NRXN3: variants seen among roughly 807,000 people sequenced by gnomAD.
The protein encoded by NRXN3 is neurexin 3.
A neutral mutation model predicts 137.6 loss-of-function variants in NRXN3; 32 were observed. The ratio of observed to expected loss-of-function variants is 0.23; its 90% CI spans 0.18 to 0.31. The LOEUF (loss-of-function observed/expected upper bound fraction) is 0.31, where lower values mean the gene tolerates loss of function less well. Ranked by LOEUF, NRXN3 falls within the 10% of genes least tolerant of loss-of-function variation. NRXN3 has a pLI of 1.00. For synonymous variants in NRXN3, 798 were observed against 784.5 expected (o/e 1.02, Z -0.29); for missense variants, 1,574 against 2,062.5 (o/e 0.76, Z 4.59).
At chr14:78,268,281 T>G (rs2072131113) in intron 2 of NRXN3, among the ~76,000 whole-genome samples, 1 of 148,650 alleles carries the variant, frequency 6.7e-6, no homozygotes, top group Non-Finnish European at 1.5e-5. Context: ...TTTTGTTTTG[T>G]TTTGTTTTGT....
At chr14:79,500,594 C>T (rs949434895) in intron 16 of NRXN3, among the ~76,000 whole-genome samples, 1 of 152,186 alleles carries the variant, frequency 6.6e-6, no homozygotes, top group African/African-American at 2.4e-5. Context: ...TCTAACAATA[C>T]TCACCCAGTA....
chr14:78,904,615 T>G (rs1271276383), intron 10 of NRXN3, among the ~76,000 whole-genome samples: 1 of 152,078 alleles, frequency 6.6e-6, no homozygotes, highest in Non-Finnish European at 1.5e-5. Flanking sequence ...GCTTCTTATT[T>G]TCAACTCTCA....
intron 10 of NRXN3, among the ~76,000 whole-genome samples, chr14:78,881,562 G>A (rs182526377): frequency 1.3e-5 from 2 of 151,586 alleles, no homozygotes; most frequent in Non-Finnish European, 2.9e-5. Flanking sequence ...CTAGAGATCT[G>A]TGGAACTTTG....
intron 4 of NRXN3, among the ~76,000 whole-genome samples, chr14:78,418,830 T>C (rs74066520): frequency 6.6e-6 from 1 of 152,232 alleles, no homozygotes. Context: ...TATAACTTTA[T>C]GAGGCAGATA....
At chr14:78,750,635 A>G (rs776271729) in intron 8 of NRXN3, among the ~76,000 whole-genome samples, 4 of 152,236 alleles carry the variant, frequency 2.6e-5, no homozygotes, top group Non-Finnish European at 5.9e-5. Flanking sequence ...CCCCCAAACC[A>G]TACCAATGAA....
chr14:79,053,028 A>G (rs1186910716), intron 15 of NRXN3, among the ~76,000 whole-genome samples: 1 of 152,216 alleles, frequency 6.6e-6, no homozygotes, highest in Non-Finnish European at 1.5e-5. Flanking sequence ...CTCATCAACT[A>G]TTTAATTACA....
intron 15 of NRXN3, among the ~76,000 whole-genome samples, chr14:79,456,766 A>G (rs113316093): frequency 4.6e-5 from 7 of 151,812 alleles, no homozygotes; most frequent in African/African-American, 1.7e-4. Context: ...AGGAGAGGAG[A>G]GGAAGAGAAG....
intron 4 of NRXN3, among the ~76,000 whole-genome samples, chr14:78,387,762 T>G (rs571564444): frequency 6.6e-5 from 10 of 152,320 alleles, no homozygotes; most frequent in Admixed American, 4.6e-4. Context: ...ATATGGGAAG[T>G]GCAGGCGAGT....
chr14:79,161,079 A>G (rs1195209819), intron 15 of NRXN3, among the ~76,000 whole-genome samples: 1 of 151,968 alleles, frequency 6.6e-6, no homozygotes, highest in East Asian at 1.9e-4. Context: ...TGGAATGCTT[A>G]CTAAATGTGT....
chr14:78,417,215 C>G (rs2093188104), intron 4 of NRXN3, among the ~76,000 whole-genome samples: 1 of 152,232 alleles, frequency 6.6e-6, no homozygotes, highest in South Asian at 2.1e-4. Context: ...TCCTGCCCAC[C>G]TGTCCAGCTT....
chr14:78,516,779 C>T (rs1336635839), intron 4 of NRXN3, among the ~76,000 whole-genome samples: 1 of 152,026 alleles, frequency 6.6e-6, no homozygotes, highest in Non-Finnish European at 1.5e-5. Flanking sequence ...ATATTTCCCA[C>T]TGAAACTTGG....
chr14:79,077,336 C>T (rs1287004934), intron 15 of NRXN3, among the ~76,000 whole-genome samples: 4 of 152,106 alleles, frequency 2.6e-5, no homozygotes, highest in South Asian at 2.1e-4. Flanking sequence ...CCACATAGCC[C>T]GAGGCACTGG....
chr14:78,179,124 C>G (rs2059547096), intron 1 of NRXN3, among the ~76,000 whole-genome samples: 1 of 152,088 alleles, frequency 6.6e-6, no homozygotes, highest in Non-Finnish European at 1.5e-5. Context: ...AAGGAGTTAC[C>G]TCCTTCCCCC....
At chr14:79,776,163 TC>T (rs1305328577) in intron 19 of NRXN3, among the ~76,000 whole-genome samples, 1 of 152,198 alleles carries the variant, frequency 6.6e-6, no homozygotes, top group Non-Finnish European at 1.5e-5. Context: ...ATTACTTCTC[TC>T]CACTGTTACT....
intron 10 of NRXN3, among the ~76,000 whole-genome samples, 162 bp downstream of exon 10, chr14:78,810,506 G>A (rs1162218935): frequency 1.3e-5 from 2 of 151,702 alleles, no homozygotes; most frequent in East Asian, 3.9e-4. Context: ...GCTGGGTGAG[G>A]GTGAAGGGCT....
At chr14:79,860,167 A>G (rs2099411356) in intron 20 of NRXN3, among the ~76,000 whole-genome samples, 1 of 152,200 alleles carries the variant, frequency 6.6e-6, no homozygotes, top group Non-Finnish European at 1.5e-5. Context: ...TCTATGGGTA[A>G]ACAGATATGT....
chr14:79,114,994 A>G (rs1290970535), intron 15 of NRXN3, among the ~76,000 whole-genome samples: 1 of 152,090 alleles, frequency 6.6e-6, no homozygotes, highest in African/African-American at 2.4e-5. Flanking sequence ...TGCCTGATAA[A>G]TATAAGCTTA....
At chr14:78,584,937 A>T (rs1348941592) in intron 4 of NRXN3, among the ~76,000 whole-genome samples, 1 of 152,174 alleles carries the variant, frequency 6.6e-6, no homozygotes, top group African/African-American at 2.4e-5. Flanking sequence ...TCTTTATTTT[A>T]AAGAATGTTC....
chr14:79,750,096 G>A (rs12435075), intron 19 of NRXN3, among the ~76,000 whole-genome samples: 80,097 of 151,300 alleles, frequency 0.53, 21,707 homozygotes, highest in Middle Eastern at 0.65. Context: ...CCTTATAATT[G>A]ACCAGTGCCT....
Sources: allele counts gnomAD v4.1 joint callset (sites outside exome capture counted in the v4.1 genomes callset), GRCh38; gene constraint gnomAD v4.1.1; transcripts MANE v1.5; gene names NCBI Gene and HGNC (gene_info 2026-07-23, HGNC 2026-07-21).